Variants in ALMS1 observed in about 807,000 individuals in gnomAD.
ALMS1 encodes ALMS1 centrosome and basal body associated protein.
In ALMS1, 271 loss-of-function variants were observed where a neutral mutation model predicts 352.2. That is an observed-to-expected ratio of 0.77 (90% confidence interval 0.70 to 0.85). The LOEUF is 0.85. Ranked by LOEUF, ALMS1 falls within the 40% of genes least tolerant of loss-of-function variation. The pLI is 0.00. For synonymous variants in ALMS1, 1,865 were observed against 1,761.2 expected, an observed-to-expected ratio of 1.06 and a Z score of -1.48; for missense variants, 5,445 against 4,870.7, an observed-to-expected ratio of 1.12 and a Z score of -3.51.
chr2:73,392,109 C>G (rs188655667), intron 1 of ALMS1, among the ~76,000 whole-genome samples: 1 of 152,034 alleles, frequency 6.6e-6, no homozygotes, highest in East Asian at 1.9e-4. Flanking sequence ...CCTGATTTGA[C>G]TAGGTAGGGG....
intron 10 of ALMS1, among the ~76,000 whole-genome samples, chr2:73,500,994 A>T (rs1259395223): frequency 6.6e-6 from 1 of 152,128 alleles, no homozygotes; most frequent in East Asian, 1.9e-4. Context: ...CCTTGCCAAC[A>T]CTGGGTATTA....
rs185716765 is a variant in ALMS1 at position 73,492,829 on chromosome 2, C to T, written c.9539+1331C>T. 2.4e-4 allele frequency among the ~76,000 whole-genome samples: 36 copies of T among 152,216 alleles called. No homozygotes were observed. In the East Asian group the frequency reaches 4.1e-3, roughly 17 times the overall value. The stretch of plus-strand genomic sequence containing the variant: ...TGTGATCTTGGTTCACTGAAACCTC[C>T]GCCCCCTGGGTTCCCGTCCCGCCTC... On this transcript the variant is annotated intron_variant, in intron 10 of 22. Coordinates refer to ENST00000613296, the MANE Select transcript of ALMS1 (RefSeq NM_001378454.1).
intron 10 of ALMS1, among the ~76,000 whole-genome samples, chr2:73,507,963 T>A (rs1673366901): frequency 6.6e-6 from 1 of 152,186 alleles, no homozygotes; most frequent in Non-Finnish European, 1.5e-5. Flanking sequence ...TCCCAGAGAT[T>A]CTGGTATGTT....
chr2:73,553,011 T>C (rs1428712153), intron 13 of ALMS1, among the ~76,000 whole-genome samples: 1 of 152,088 alleles, frequency 6.6e-6, no homozygotes. Flanking sequence ...AGGACTAGTA[T>C]AGGAATAAAT....
intron 9 of ALMS1, among the ~76,000 whole-genome samples, chr2:73,489,128 T>C (rs905956413): frequency 6.6e-6 from 1 of 151,956 alleles, no homozygotes; most frequent in Non-Finnish European, 1.5e-5. Context: ...GCAAGAAAAA[T>C]AGTGATGATA....
intron 10 of ALMS1, among the ~76,000 whole-genome samples, chr2:73,511,688 T>A (rs115922589): frequency 6.6e-6 from 1 of 152,108 alleles, no homozygotes; most frequent in Non-Finnish European, 1.5e-5. Flanking sequence ...TGACAGTGGG[T>A]CTCAACTAGG....
At chr2:73,391,230 C>T (rs903906832) in intron 1 of ALMS1, among the ~76,000 whole-genome samples, 2 of 151,570 alleles carry the variant, frequency 1.3e-5, no homozygotes, top group African/African-American at 4.9e-5. Flanking sequence ...GTTTCTGCTC[C>T]CCATCTCCAA....
At position 73,449,434 on chromosome 2, in the gene ALMS1, G is replaced by T; in HGVS notation, c.2907G>T (p.Leu969Phe). ...EKSSVFYQQELPDSDLPRESL... is the reference protein window; with the variant it reads ...EKSSVFYQQEFPDSDLPRESL... ...CTAGTGTTTTCTACCAGCAAGAGTTGCCAGACAGTGATCTACCTAGAGAAT... is the reference window on the plus strand; with the variant it reads ...CTAGTGTTTTCTACCAGCAAGAGTTTCCAGACAGTGATCTACCTAGAGAAT... Residue 969 changes from leucine (L) to phenylalanine (F), a missense_variant, in exon 8 of 23, where the codon TTG (leucine) becomes TTT (phenylalanine). By Grantham distance (22) the Leu-to-Phe change is conservative. Transcript: ENST00000613296. 1 of 1,614,010 alleles carries T rather than the reference G, an allele frequency of 6.2e-7. No individual in the cohort carries two copies. The highest frequency in any genetic ancestry group is 1.1e-5 in the South Asian group (1 of 91,086).
intron 9 of ALMS1, chr2:73,469,437 C>T (rs1672423879): frequency 6.6e-6 from 1 of 151,652 alleles, no homozygotes; most frequent in Admixed American, 6.6e-5. Context: ...AGGAGCATGC[C>T]AGATATACCA....
At chr2:73,389,336 A>G (rs1670597529) in intron 1 of ALMS1, among the ~76,000 whole-genome samples, 2 of 152,038 alleles carry the variant, frequency 1.3e-5, no homozygotes, top group Admixed American at 1.3e-4. Context: ...GATGCTGGAT[A>G]TTAGTCCTTT....
At chr2:73,544,895 A>G (rs1281097991) in intron 12 of ALMS1, among the ~76,000 whole-genome samples, 1 of 152,222 alleles carries the variant, frequency 6.6e-6, no homozygotes, top group Non-Finnish European at 1.5e-5. Context: ...AAATTCTGGT[A>G]CATGCTACAA....
chr2:73,555,895 G>A (rs968276219), intron 13 of ALMS1, among the ~76,000 whole-genome samples: 1 of 152,058 alleles, frequency 6.6e-6, no homozygotes, highest in Non-Finnish European at 1.5e-5. Flanking sequence ...GTGCGTAAAG[G>A]TACAGACAGT....
chr2:73,450,893 T>A lies in ALMS1; in HGVS notation c.4366T>A (p.Ser1456Thr). Residue 1456 changes from serine (S) to threonine (T), a missense_variant, in exon 8 of 23, where the codon TCA becomes ACA. By Grantham distance (58) the Ser-to-Thr change is moderately conservative. Transcript: ENST00000613296. ...SHLPEEALEV[S>T]VAPGPVDQTI... ...TCTACCTGAAGAGGCTTTGGAAGTT[T>A]CAGTTGCTCCTGGACCAGTTGACCA... 1 of 1,614,126 alleles carries A rather than the reference T, an allele frequency of 6.2e-7. No individual in the cohort carries two copies. Among genetic ancestry groups the A allele is most frequent in the Non-Finnish European group, 8.5e-7 (1 of 1,179,976 alleles).
chr2:73,396,305 C>CACACAT lies in ALMS1; in HGVS notation c.324+10118_324+10119insTACACA, dbSNP rs775251104. 1.1e-4 allele frequency among the ~76,000 whole-genome samples: 13 copies of CACACAT among 121,504 alleles called. 1 individual carries two copies. Among genetic ancestry groups the CACACAT allele is most frequent in the Admixed American group, 5.5e-4 (7 of 12,708 alleles). The allele number at this position is 121,504 out of a possible 152,430, so 79.7% of individuals were successfully genotyped here. On this transcript the variant is annotated intron_variant, in intron 1 of 22. Coordinates refer to ENST00000613296, the MANE Select transcript of ALMS1 (RefSeq NM_001378454.1). ...TTATGTGTTGCCTGTCATAGAAATA[C>CACACAT]ACACACACACACACACACACACACA...
rs200724860 is a variant in ALMS1 at position 73,453,233 on chromosome 2, C to T, written c.6706C>T (p.Pro2236Ser). 6.2e-7 allele frequency: 1 copy of T among 1,613,862 alleles called. No homozygotes were observed. The highest frequency in any genetic ancestry group is 8.5e-7 in the Non-Finnish European group (1 of 1,179,932). Residue 2236 changes from proline to serine, a missense_variant, in exon 8 of 23, where the codon CCA becomes TCA. Physicochemically the swap from Pro to Ser is moderately conservative, Grantham distance 74 (BLOSUM62 -1). Transcript: ENST00000613296. ...TGATGACAGAGTTGTAATAAATAAA[C>T]CAGAATCTGCAGGTTTTAGAGATGT... ...QADDRVVINK[P>S]ESAGFRDVGS... is the part of the protein sequence containing the mutation.
intron 17 of ALMS1, among the ~76,000 whole-genome samples, chr2:73,600,149 G>A (rs551053244): frequency 1.3e-5 from 2 of 152,296 alleles, no homozygotes; most frequent in African/African-American, 4.8e-5. Flanking sequence ...GAAGAGAATT[G>A]CTTAAATGTG....
rs1674776676 is a variant in ALMS1, at chr2:73,565,139, A to G, written c.10384+5997A>G. Among the ~76,000 whole-genome samples the G allele has an allele frequency of 2.0e-5, 3 of 152,252 alleles. No homozygotes were observed. In the South Asian group the frequency reaches 6.2e-4, roughly 32 times the overall value. On this transcript the variant is annotated intron_variant, in intron 15 of 22. Coordinates refer to ENST00000613296, the MANE Select transcript of ALMS1 (RefSeq NM_001378454.1). The stretch of plus-strand genomic sequence containing the variant: ...TAGTCAAGGCACTATTAGTAGAAAC[A>G]GTATCAACAACAAGAAACAGAAATG...
At chr2:73,585,746 G>T (rs1463445215) in intron 16 of ALMS1, among the ~76,000 whole-genome samples, 1 of 50,868 alleles carries the variant, frequency 2.0e-5, no homozygotes, top group Non-Finnish European at 3.6e-5. Context: ...TTTTTTCCCC[G>T]AGACGGAGTC....
At position 73,386,102 on chromosome 2, in the gene ALMS1, C is replaced by G. The variant is rs368947491; in HGVS notation, c.234C>G (p.Ala78=). 3.8e-6 allele frequency: 6 copies of G among 1,592,998 alleles called. No individual in the cohort carries two copies. Among genetic ancestry groups the G allele is most frequent in the Non-Finnish European group, 3.4e-6 (4 of 1,170,384 alleles). The change falls in exon 1 of 23, where the codon GCC becomes GCG. Residue 78 remains alanine (A), a synonymous_variant. Coordinates refer to ENST00000613296, the MANE Select transcript of ALMS1 (RefSeq NM_001378454.1). ...ACGAGGAGGACGAGGAGGCCAAGGC[C>G]TGGCTGCAGGCGCACCCCGGCAGGA... ...IDDEEDEEAK[A]WLQAHPGRIL... is the part of the protein sequence containing the mutation.
Sources: allele counts gnomAD v4.1 joint callset (sites outside exome capture counted in the v4.1 genomes callset), GRCh38; gene constraint gnomAD v4.1.1; transcripts MANE v1.5; gene names NCBI Gene and HGNC (gene_info 2026-07-23, HGNC 2026-07-21).